The following FGF14 variants were observed in gnomAD, a reference collection of about 807,000 sequenced individuals.
FGF14 encodes the protein fibroblast growth factor 14.
Under a neutral mutation model 25.5 loss-of-function variants are expected in FGF14, and 5 were observed. The observed-to-expected ratio is 0.20, with a 90% CI of 0.10 to 0.41. The LOEUF (loss-of-function observed/expected upper bound fraction) is 0.41, where lower values mean the gene tolerates loss of function less well. Among genes scored for constraint, FGF14 ranks in the 10% least tolerant of loss-of-function variants. The pLI is 1.00. For synonymous variants in FGF14, 138 were observed against 118.3 expected (o/e 1.17, Z -1.08); for missense variants, 222 against 320.1 (o/e 0.69, Z 2.34).
chr13:102,256,639 G>T (rs889461094), intron 1 of FGF14, among the ~76,000 whole-genome samples: 1 of 152,148 alleles, frequency 6.6e-6, no homozygotes, highest in Non-Finnish European at 1.5e-5. Flanking sequence ...ACATCTTCTG[G>T]AATTTCCCAC....
intron 3 of FGF14, among the ~76,000 whole-genome samples, chr13:101,761,543 C>T (rs1308845129): frequency 6.6e-6 from 1 of 152,100 alleles, no homozygotes; most frequent in Non-Finnish European, 1.5e-5. Flanking sequence ...TAGACAAATG[C>T]TTATTTAGGT....
intron 1 of FGF14, among the ~76,000 whole-genome samples, chr13:102,050,783 A>T: frequency 6.6e-6 from 1 of 152,196 alleles, no homozygotes; most frequent in East Asian, 1.9e-4. Context: ...GAGAGAAAAA[A>T]AACATAGAAT....
chr13:101,786,726 C>T (rs1332722398), intron 3 of FGF14, among the ~76,000 whole-genome samples: 1 of 152,202 alleles, frequency 6.6e-6, no homozygotes, highest in Non-Finnish European at 1.5e-5. Flanking sequence ...AGGACTCCAA[C>T]ATACCCTCAA....
intron 1 of FGF14, among the ~76,000 whole-genome samples, chr13:102,115,727 AT>A (rs1470754566): frequency 6.6e-6 from 1 of 152,098 alleles, no homozygotes; most frequent in African/African-American, 2.4e-5. Flanking sequence ...CCTATCGAGT[AT>A]TTTGCTCAAT....
chr13:102,137,260 T>C lies in FGF14; in HGVS notation c.209-261964A>G, dbSNP rs1487450478. ...CTCTTGGCAACCAAAACAAGATAACTGACAAGGATTAAAAGCCAAAATTTA... is the reference window on the plus strand; with the variant it reads ...CTCTTGGCAACCAAAACAAGATAACCGACAAGGATTAAAAGCCAAAATTTA... On this transcript the variant is annotated intron_variant, in intron 1 of 4. Transcript: ENST00000376131. 2.0e-5 allele frequency among the ~76,000 whole-genome samples: 3 copies of C among 152,228 alleles called. No individual in the cohort carries two copies. In the South Asian group the frequency reaches 6.2e-4, roughly 32 times the overall value.
intron 1 of FGF14, among the ~76,000 whole-genome samples, chr13:102,024,320 G>A (rs2040818236): frequency 6.6e-6 from 1 of 151,924 alleles, no homozygotes; most frequent in African/African-American, 2.4e-5. Flanking sequence ...GGTTATCCTA[G>A]GAGTGGGAAG....
In FGF14 at chr13:102,130,860, G is replaced by A. The variant is rs191658186; in HGVS notation, c.209-255564C>T. On this transcript the variant is annotated intron_variant, in intron 1 of 4. Coordinates refer to the FGF14 transcript ENST00000376131. ...CCCAGGACTGAAATCCACTATACCC[G>A]AAGGCTATAATAACAGATCAAATGC... Among the ~76,000 whole-genome samples the A allele has an allele frequency of 5.4e-3, 816 of 152,152 alleles. 9 individuals carry two copies. The highest frequency in any genetic ancestry group is 0.018 in the African/African-American group (735 of 41,490).
intron 1 of FGF14, among the ~76,000 whole-genome samples, chr13:102,340,712 A>T (rs546040642): frequency 8.9e-4 from 136 of 152,320 alleles, no homozygotes; most frequent in African/African-American, 3.2e-3. Flanking sequence ...TCAAGAAGGC[A>T]GTCATAAAAT....
At chr13:102,028,704 G>A (rs78616869) in intron 1 of FGF14, among the ~76,000 whole-genome samples, 1 of 151,654 alleles carries the variant, frequency 6.6e-6, no homozygotes, top group Admixed American at 6.6e-5. Flanking sequence ...CAGGGAATAT[G>A]GGGTTTTTTT....
chr13:101,958,224 G>T (rs2036627093), intron 1 of FGF14, among the ~76,000 whole-genome samples: 1 of 152,150 alleles, frequency 6.6e-6, no homozygotes, highest in Admixed American at 6.6e-5. Flanking sequence ...ATAAAGGAAG[G>T]TGTTTCTATT....
At chr13:102,393,402 A>G (rs1348589839) in intron 1 of FGF14, among the ~76,000 whole-genome samples, 8 of 152,232 alleles carry the variant, frequency 5.3e-5, no homozygotes, top group Non-Finnish European at 1.2e-4. Context: ...TGAAAAAGTG[A>G]TAAAAAGCAC....
At position 102,400,047 on chromosome 13, in the gene FGF14, G is replaced by GCCCCCCCCCCC; in HGVS notation, c.208+1423_208+1424insGGGGGGGGGGG. On this transcript the variant is annotated intron_variant, in intron 1 of 4. Coordinates refer to the FGF14 transcript ENST00000376131. The surrounding 1 kb of genome is among the most constrained non-coding windows in gnomAD (Gnocchi z 4.3). ...CTCAGCCTCCGCACCCACCGCCTCC[G>GCCCCCCCCCCC]TCCCCGCCCACCCGCACCTCCTCCT... Among the ~76,000 whole-genome samples the GCCCCCCCCCCC allele has an allele frequency of 6.6e-6, 1 of 152,028 alleles. No individual in the cohort carries two copies. Among genetic ancestry groups the GCCCCCCCCCCC allele is most frequent in the East Asian group, 2.0e-4 (1 of 5,084 alleles).
chr13:101,841,182 AT>A (rs1414662200), intron 3 of FGF14, among the ~76,000 whole-genome samples: 2 of 152,024 alleles, frequency 1.3e-5, no homozygotes, highest in African/African-American at 4.8e-5. Flanking sequence ...CAATAAGGAG[AT>A]AAAAATTAAA....
At chr13:102,071,969 C>A (rs1208149347) in intron 1 of FGF14, among the ~76,000 whole-genome samples, 1 of 152,070 alleles carries the variant, frequency 6.6e-6, no homozygotes, top group East Asian at 1.9e-4. Flanking sequence ...CAACCCCCAG[C>A]ATATAAAAAA....
chr13:101,991,079 T>C (rs1393484573), intron 1 of FGF14, among the ~76,000 whole-genome samples: 1 of 152,152 alleles, frequency 6.6e-6, no homozygotes, highest in Non-Finnish European at 1.5e-5. Context: ...AAAACTTGTT[T>C]TGTATCTTTC....
intron 1 of FGF14, among the ~76,000 whole-genome samples, chr13:102,017,559 A>C (rs1468923982): frequency 6.6e-6 from 1 of 151,938 alleles, no homozygotes; most frequent in East Asian, 1.9e-4. Context: ...TTATCATTAG[A>C]ATTCCAAAAT....
At chr13:101,962,287 TGTATTCCTAG>T (rs1471808420) in intron 1 of FGF14, among the ~76,000 whole-genome samples, 4 of 152,210 alleles carry the variant, frequency 2.6e-5, no homozygotes, top group African/African-American at 7.2e-5. Flanking sequence ...CCTTGCTAGA[TGTATTCCTAG>T]GTATTTGATT....
intron 3 of FGF14, among the ~76,000 whole-genome samples, chr13:101,759,797 T>A (rs1213141932): frequency 6.6e-6 from 1 of 152,146 alleles, no homozygotes; most frequent in Non-Finnish European, 1.5e-5. Context: ...TGGGAGCTAT[T>A]ACTGTAGAGA....
intron 1 of FGF14, among the ~76,000 whole-genome samples, chr13:101,967,276 C>T (rs1304931774): frequency 4.6e-5 from 7 of 152,150 alleles, no homozygotes; most frequent in African/African-American, 1.7e-4. Context: ...GTCAGAATGT[C>T]TAAAGTCATT....
Sources: gnomAD v4.1 joint callset for allele counts (sites outside exome capture counted in the v4.1 genomes callset) on GRCh38, gnomAD v4.1.1 for gene constraint, Gnocchi (gnomAD v3.1) non-coding constraint, MANE v1.5 for transcripts, NCBI Gene and HGNC (gene_info 2026-07-23, HGNC 2026-07-21) for gene names.